The following RASGRF2 variants were observed in gnomAD, a reference collection of about 807,000 sequenced individuals.
The protein encoded by RASGRF2 is ras-specific guanine nucleotide-releasing factor 2.
In RASGRF2, 76 loss-of-function variants were observed where a neutral mutation model predicts 151.0. The observed-to-expected ratio is 0.50, with a 90% CI of 0.42 to 0.61. The LOEUF is 0.61. RASGRF2 is among the 20% of genes least tolerant of loss of function. The probability of loss-of-function intolerance (pLI) is 0.00; values close to 1 mark genes in which losing one functional copy is unlikely to be tolerated. For synonymous variants in RASGRF2, 504 were observed against 566.5 expected (o/e 0.89, Z 1.57); for missense variants, 1,148 against 1,564.6 (o/e 0.73, Z 4.49).
At chr5:81,036,644 G>T (rs1352453615) in intron 1 of RASGRF2, among the ~76,000 whole-genome samples, 2 of 151,898 alleles carry the variant, frequency 1.3e-5, no homozygotes, top group Non-Finnish European at 2.9e-5. Context: ...TAAGGACATT[G>T]TATACCTATT....
intron 1 of RASGRF2, among the ~76,000 whole-genome samples, chr5:81,028,220 T>G (rs562872482): frequency 1.1e-4 from 12 of 109,812 alleles, no homozygotes; most frequent in African/African-American, 4.1e-4. Context: ...GGAAATAAAT[T>G]TTTCTCAATG....
At chr5:81,092,711 G>A (rs549749661) in intron 9 of RASGRF2, 90 bp from the exon 10 acceptor site, 147 of 1,245,366 alleles carry the variant, frequency 1.2e-4, no homozygotes, top group Middle Eastern at 8.4e-4. Flanking sequence ...GGTATTTTGG[G>A]AAACAGACCT....
At position 80,963,613 on chromosome 5, in the gene RASGRF2, C is replaced by G. The variant is rs185510889; in HGVS notation, c.288+2587C>G. Among the ~76,000 whole-genome samples, 135 of 152,256 alleles carry G rather than the reference C, an allele frequency of 8.9e-4. 1 individual carries two copies. The highest frequency in any genetic ancestry group is 3.4e-3 in the Middle Eastern group (1 of 294). Reference sequence around the variant, plus strand: ...ATGTGAAAGACCATTTCACAAGATTCAGAGATTACCAGTGTTTGTAATAAA... The same window carrying G: ...ATGTGAAAGACCATTTCACAAGATTGAGAGATTACCAGTGTTTGTAATAAA... On this transcript the variant is annotated intron_variant, in intron 1 of 26. Transcript: ENST00000265080.
chr5:81,094,513 C>G, intron 11 of RASGRF2, 151 bp downstream of exon 11: 1 of 757,326 alleles, frequency 1.3e-6, no homozygotes, highest in Non-Finnish European at 2.1e-6. Flanking sequence ...TCACATTTTA[C>G]TGAATTTGTT....
At chr5:81,076,935 C>G (rs2112471011) in intron 5 of RASGRF2, among the ~76,000 whole-genome samples, 1 of 152,272 alleles carries the variant, frequency 6.6e-6, no homozygotes, top group Middle Eastern at 3.4e-3. Context: ...GATGCAGGTG[C>G]AGAGTGGGTG....
At chr5:81,141,381 G>A (rs1340246887) in intron 17 of RASGRF2, among the ~76,000 whole-genome samples, 1 of 152,100 alleles carries the variant, frequency 6.6e-6, no homozygotes, top group Non-Finnish European at 1.5e-5. Context: ...CCCTCACTAT[G>A]TCATCCCCTC....
chr5:81,070,809 A>G (rs865972232), intron 4 of RASGRF2, among the ~76,000 whole-genome samples: 4 of 152,156 alleles, frequency 2.6e-5, no homozygotes, highest in South Asian at 2.1e-4. Context: ...CATTAAGACA[A>G]TAGTGTTCTC....
At chr5:81,161,616 C>T (rs1013462950) in intron 17 of RASGRF2, among the ~76,000 whole-genome samples, 1 of 152,168 alleles carries the variant, frequency 6.6e-6, no homozygotes, top group Admixed American at 6.5e-5. Context: ...TGCTATCTAC[C>T]AGTCATAGAG....
At chr5:81,087,321 G>T (rs1438166343) in intron 9 of RASGRF2, 1 of 703,070 alleles carries the variant, frequency 1.4e-6, no homozygotes, top group Non-Finnish European at 2.6e-6. Flanking sequence ...AACTTGCGTT[G>T]CTCAAAGCCC....
rs142384726 is a variant in RASGRF2, at chr5:81,082,030, A to G, written c.1161+1241A>G. Among the ~76,000 whole-genome samples, 90 of 152,276 alleles carry G rather than the reference A, an allele frequency of 5.9e-4. 1 individual carries two copies. Among genetic ancestry groups the G allele is most frequent in the African/African-American group, 2.1e-3 (86 of 41,552 alleles). On this transcript the variant is annotated intron_variant, in intron 7 of 26. Transcript: ENST00000265080. The stretch of plus-strand genomic sequence containing the variant: ...TAGTATAGCATTCTTCTGAGATTCT[A>G]TGTGAATTTTTGACAATTATCTTTA...
chr5:81,023,567 A>ATT (rs35763091), intron 1 of RASGRF2, among the ~76,000 whole-genome samples: 2 of 152,078 alleles, frequency 1.3e-5, no homozygotes, highest in South Asian at 2.1e-4. Flanking sequence ...GCAGTGTTTG[A>ATT]TTTTTTTGTG....
chr5:81,055,296 G>A (rs1187950119), intron 2 of RASGRF2, among the ~76,000 whole-genome samples: 3 of 152,096 alleles, frequency 2.0e-5, no homozygotes, highest in East Asian at 3.9e-4. Flanking sequence ...TTTGAGATAC[G>A]TCCCATCAAT....
intron 1 of RASGRF2, among the ~76,000 whole-genome samples, chr5:81,010,096 G>A (rs1188281825): frequency 2.0e-5 from 3 of 151,606 alleles, no homozygotes; most frequent in African/African-American, 7.3e-5. Flanking sequence ...GTAGGTTGCA[G>A]TGAGCTGAGA....
intron 17 of RASGRF2, among the ~76,000 whole-genome samples, chr5:81,128,245 C>A (rs939554812): frequency 2.0e-5 from 3 of 151,962 alleles, no homozygotes. Flanking sequence ...AAAAATGTAC[C>A]GCATACTTGA....
chr5:81,120,448 C>G (rs1247136956), intron 15 of RASGRF2, among the ~76,000 whole-genome samples: 1 of 152,024 alleles, frequency 6.6e-6, no homozygotes, highest in Non-Finnish European at 1.5e-5. Context: ...CCAGATGTGG[C>G]TGTGTGCACC....
chr5:81,134,283 A>G (rs978769954), intron 17 of RASGRF2, among the ~76,000 whole-genome samples: 3 of 152,164 alleles, frequency 2.0e-5, no homozygotes, highest in African/African-American at 7.2e-5. Flanking sequence ...TTTAGGAAGT[A>G]TGTCTGGATT....
intron 1 of RASGRF2, among the ~76,000 whole-genome samples, chr5:81,033,416 A>G (rs1750342025): frequency 7.1e-6 from 1 of 140,872 alleles, no homozygotes; most frequent in East Asian, 2.0e-4. Flanking sequence ...GGCTACAGTC[A>G]CCAAAACAGC....
chr5:81,065,131 G>T (rs1273380581), intron 2 of RASGRF2, among the ~76,000 whole-genome samples: 1 of 152,118 alleles, frequency 6.6e-6, no homozygotes, highest in Non-Finnish European at 1.5e-5. Flanking sequence ...TTGACACCGT[G>T]ATCGTAGCCT....
At chr5:81,147,585 T>C (rs145856931) in intron 17 of RASGRF2, among the ~76,000 whole-genome samples, 2 of 152,334 alleles carry the variant, frequency 1.3e-5, no homozygotes, top group Non-Finnish European at 1.5e-5. Flanking sequence ...TGTGATGTGC[T>C]CTTATGTGTG....
Sources: allele counts gnomAD v4.1 joint callset (sites outside exome capture counted in the v4.1 genomes callset), GRCh38; gene constraint gnomAD v4.1.1; transcripts MANE v1.5; gene names NCBI Gene and HGNC (gene_info 2026-07-23, HGNC 2026-07-21).